PLCE1: variants seen among roughly 807,000 people sequenced by gnomAD.
The protein encoded by PLCE1 is 1-phosphatidylinositol 4,5-bisphosphate phosphodiesterase epsilon-1.
In PLCE1, 119 loss-of-function variants were observed where a neutral mutation model predicts 242.8. The ratio of observed to expected loss-of-function variants is 0.49; its 90% CI spans 0.42 to 0.57. The LOEUF (loss-of-function observed/expected upper bound fraction) is 0.57. PLCE1 is among the 20% of genes least tolerant of loss of function. The probability of loss-of-function intolerance (pLI) is 0.00; values close to 1 mark genes in which losing one functional copy is unlikely to be tolerated. For missense variants in PLCE1, 2,441 were observed against 2,788.8 expected (o/e 0.88, Z 2.81); for synonymous variants, 945 against 1,017.4 (o/e 0.93, Z 1.35).
At chr10:94,189,107 A>G (rs1289224151) in intron 4 of PLCE1, among the ~76,000 whole-genome samples, 1 of 151,298 alleles carries the variant, frequency 6.6e-6, no homozygotes, top group Non-Finnish European at 1.5e-5. Context: ...TAGTATACTG[A>G]AGGCTGAAGA....
At chr10:94,256,721 A>T (rs955333715) in intron 11 of PLCE1, among the ~76,000 whole-genome samples, 7 of 152,232 alleles carry the variant, frequency 4.6e-5, no homozygotes, top group African/African-American at 1.7e-4. Flanking sequence ...AAAATATTTT[A>T]AAAAGAGAAA....
At chr10:94,131,533 G>A (rs867754870) in intron 2 of PLCE1, among the ~76,000 whole-genome samples, 10 of 152,214 alleles carry the variant, frequency 6.6e-5, no homozygotes, top group African/African-American at 2.2e-4. Flanking sequence ...GATAAAAGGA[G>A]AAGAAATCAG....
chr10:94,001,774 G>C (rs943367537), intron 1 of PLCE1, among the ~76,000 whole-genome samples: 3 of 152,154 alleles, frequency 2.0e-5, no homozygotes, highest in Admixed American at 2.0e-4. Flanking sequence ...TTGATTCAGC[G>C]TGTTTTTCAC....
intron 1 of PLCE1, among the ~76,000 whole-genome samples, chr10:94,027,114 C>T (rs1264623808): frequency 1.3e-5 from 2 of 152,132 alleles, no homozygotes; most frequent in African/African-American, 2.4e-5. Context: ...GAAAACTCCA[C>T]CCCACCTGTT....
At chr10:94,242,265 C>A (rs776429757) in intron 7 of PLCE1, among the ~76,000 whole-genome samples, 11 of 151,808 alleles carry the variant, frequency 7.2e-5, no homozygotes, top group Non-Finnish European at 1.2e-4. Context: ...TATCATGTAA[C>A]CCCAGATCTT....
intron 7 of PLCE1, among the ~76,000 whole-genome samples, chr10:94,239,145 A>AT (rs1335644659): frequency 6.6e-6 from 1 of 152,180 alleles, no homozygotes; most frequent in Non-Finnish European, 1.5e-5. Flanking sequence ...ATCGTGATTA[A>AT]TGTGTGTATC....
intron 24 of PLCE1, among the ~76,000 whole-genome samples, chr10:94,299,007 A>C (rs1230761817): frequency 6.6e-6 from 1 of 152,194 alleles, no homozygotes; most frequent in Admixed American, 6.5e-5. Flanking sequence ...AACACTGCCC[A>C]GTTAACCTGT....
In PLCE1 at chr10:94,255,068, A is replaced by T. The variant is rs1192753101; in HGVS notation, c.3554+19A>T. The T allele has an allele frequency of 6.2e-7, 1 of 1,612,808 alleles. No individual in the cohort carries two copies. The highest frequency in any genetic ancestry group is 8.5e-7 in the Non-Finnish European group (1 of 1,178,932). On this transcript the variant is annotated intron_variant, in intron 11 of 32. Transcript: ENST00000371380. ...CATCCAGGTGGGGCCTTAACATGAT[A>T]AAACAGAAGGACCCTTCACATTATT...
Position 94,246,428 on chromosome 10 carries a change from C to A in PLCE1, c.2903C>A (p.Ser968Ter). The A allele has an allele frequency of 6.2e-7, 1 of 1,614,196 alleles. No individual in the cohort carries two copies. Among genetic ancestry groups the A allele is most frequent in the Non-Finnish European group, 8.5e-7 (1 of 1,180,014 alleles). The change falls in exon 8 of 33, where the codon TCA becomes TAA. Residue 968 changes from serine (S) to a stop codon, truncating the protein, a stop_gained. Transcript: ENST00000371380. LOFTEE classifies it high-confidence loss of function. ...VQNKLGSMFL[S>*]ETGVTLLYGL... ...AACAAACTGGGTAGCATGTTCCTGT[C>A]AGAGACTGGTGTGACATTGCTCTAT... is the stretch of plus-strand genomic sequence containing the variant.
chr10:94,296,392 T>G (rs2052817930), intron 23 of PLCE1, among the ~76,000 whole-genome samples: 1 of 151,912 alleles, frequency 6.6e-6, no homozygotes, highest in African/African-American at 2.4e-5. Context: ...AAAATTCTGT[T>G]GTTTAATGTA....
Position 94,283,975 on chromosome 10 carries a change from A to G in PLCE1, c.4917+64A>G, listed in dbSNP as rs7084339. 480,252 of 1,572,808 alleles carry G rather than the reference A, an allele frequency of 0.31. 75,350 individuals carry two copies. The highest frequency in any genetic ancestry group is 0.44 in the Middle Eastern group (2,584 of 5,882). On this transcript the variant is annotated intron_variant, in intron 21 of 32. Coordinates refer to ENST00000371380, the MANE Select transcript of PLCE1 (RefSeq NM_016341.4). ...GTGGTACTCTTGTCAGTTTCAGATG[A>G]GATTCCACTTGCTCCCTGTCCCTCC...
In PLCE1 at chr10:94,182,094, G is replaced by GTT. The variant is rs550150974; in HGVS notation, c.1809+10611_1809+10612dup. On this transcript the variant is annotated intron_variant, in intron 4 of 32. Coordinates refer to ENST00000371380, the MANE Select transcript of PLCE1 (RefSeq NM_016341.4). Reference sequence around the variant, plus strand: ...AAATGTCTTCCTTCCTTTTCTTTCTGTTTTTTTTTTTTTTCATTTTTTGCT... The same window carrying GTT: ...AAATGTCTTCCTTCCTTTTCTTTCTGTTTTTTTTTTTTTTTTCATTTTTTGCT... 5.6e-4 allele frequency among the ~76,000 whole-genome samples: 73 copies of GTT among 131,336 alleles called. 1 individual carries two copies. The highest frequency in any genetic ancestry group is 1.7e-3 in the African/African-American group (59 of 35,430). The allele number at this position is 131,336 out of a possible 152,430, so 86.2% of individuals were successfully genotyped here.
chr10:94,312,293 C>T (rs150542100), intron 27 of PLCE1, among the ~76,000 whole-genome samples: 1 of 152,338 alleles, frequency 6.6e-6, no homozygotes, highest in East Asian at 1.9e-4. Context: ...CTTCAGCCCT[C>T]AGGTCCTCAT....
intron 1 of PLCE1, among the ~76,000 whole-genome samples, chr10:94,026,621 A>G (rs951818303): frequency 6.6e-6 from 1 of 152,208 alleles, no homozygotes; most frequent in Non-Finnish European, 1.5e-5. Flanking sequence ...AGTAAATAGA[A>G]AGTTAACAGT....
chr10:94,203,267 C>T (rs748145729), intron 4 of PLCE1, among the ~76,000 whole-genome samples: 1 of 152,262 alleles, frequency 6.6e-6, no homozygotes, highest in African/African-American at 2.4e-5. Flanking sequence ...ACTGTGACCC[C>T]CTCCTCCATG....
At position 94,269,135 on chromosome 10, in the gene PLCE1, T is replaced by C. The variant is rs150698885; in HGVS notation, c.4389+99T>C. ...TTTTTTTTTTGAGACGGGTTCTCGC[T>C]CTGTTATCCAGGCTGGAGTAGAGTG... On this transcript the variant is annotated intron_variant, in intron 17 of 32. Coordinates refer to ENST00000371380, the MANE Select transcript of PLCE1 (RefSeq NM_016341.4). 4.9e-4 allele frequency: 315 copies of C among 647,928 alleles called. No individual in the cohort carries two copies. The African/African-American group carries it at 6.0e-3, about 12-fold the overall frequency. The allele number at this position is 647,928 out of a possible 1,614,324, so 40.1% of individuals were successfully genotyped here.
intron 4 of PLCE1, among the ~76,000 whole-genome samples, chr10:94,206,122 G>A (rs2049150705): frequency 6.6e-6 from 1 of 152,168 alleles, no homozygotes; most frequent in Admixed American, 6.5e-5. Flanking sequence ...GGTAGTTCTT[G>A]CAACCTCAAG....
intron 4 of PLCE1, among the ~76,000 whole-genome samples, chr10:94,200,843 C>T (rs2048966930): frequency 6.6e-6 from 1 of 152,132 alleles, no homozygotes; most frequent in African/African-American, 2.4e-5. Flanking sequence ...TCCCACAAAA[C>T]CTTAAACCAG....
intron 1 of PLCE1, among the ~76,000 whole-genome samples, chr10:94,025,819 C>T (rs989100808): frequency 6.6e-6 from 1 of 152,164 alleles, no homozygotes; most frequent in Non-Finnish European, 1.5e-5. Flanking sequence ...TCAAGCCTCC[C>T]ACATAGTTTT....
Sources: allele counts gnomAD v4.1 joint callset (sites outside exome capture counted in the v4.1 genomes callset), GRCh38; gene constraint gnomAD v4.1.1; transcripts MANE v1.5; gene names NCBI Gene and HGNC (gene_info 2026-07-23, HGNC 2026-07-21).